Variants in DPYSL5 observed in about 807,000 individuals in gnomAD.
The protein encoded by DPYSL5 is dihydropyrimidinase like 5, also known as dihydropyrimidinase-related protein 5.
In DPYSL5, 9 loss-of-function variants were observed where a neutral mutation model predicts 58.4. The ratio of observed to expected loss-of-function variants is 0.15; its 90% CI spans 0.09 to 0.27. DPYSL5 has a LOEUF of 0.27. DPYSL5 is among the 10% of genes least tolerant of loss of function. The pLI is 1.00. For synonymous variants in DPYSL5, 293 were observed against 301.9 expected (o/e 0.97, Z 0.31); for missense variants, 499 against 770.6 (o/e 0.65, Z 4.17).
chr2:26,862,888 C>A (rs1458646671), intron 1 of DPYSL5, among the ~76,000 whole-genome samples: 2 of 152,154 alleles, frequency 1.3e-5, no homozygotes, highest in African/African-American at 2.4e-5. Context: ...ATGTGTACAG[C>A]CTATTCCAGA....
chr2:26,882,483 T>G (rs1663600399), intron 1 of DPYSL5, among the ~76,000 whole-genome samples: 1 of 151,968 alleles, frequency 6.6e-6, no homozygotes. Flanking sequence ...GGTGTCACTA[T>G]GTTGCCCAGG....
Position 26,927,310 on chromosome 2 carries a change from T to A in DPYSL5, c.478T>A (p.Phe160Ile). 6.2e-7 allele frequency: 1 copy of A among 1,614,194 alleles called. No homozygotes were observed. The highest frequency in any genetic ancestry group is 8.5e-7 in the Non-Finnish European group (1 of 1,180,018). ...REKGVNSFQM[F>I]MTYKDLYMLR... is the part of the protein sequence containing the mutation. ...GAAGGGTGTCAACTCGTTCCAGATG[T>A]TCATGACCTACAAGGACCTGTACAT... Residue 160 changes from phenylalanine (F) to isoleucine (I), a missense_variant, in exon 4 of 13, where the codon TTC becomes ATC. By Grantham distance (21) the Phe-to-Ile change is conservative. This residue lies in a region of DPYSL5 where 404 missense variants were observed against 647.6 expected (regional missense o/e 0.62). Transcript: ENST00000288699. This position sits in a 1 kb window ranked among gnomAD's most constrained non-coding sequence, Gnocchi z 4.3.
At chr2:26,856,956 C>CATATATAATATATGTAATAAATATTATA (rs1558319139) in intron 1 of DPYSL5, among the ~76,000 whole-genome samples, 1 of 143,628 alleles carries the variant, frequency 7.0e-6, no homozygotes, top group African/African-American at 2.8e-5. Flanking sequence ...ATATATTATA[C>CATATATAATATATGTAATAAATATTATA]TAGTTTTCAA....
chr2:26,941,143 G>A (rs1001239926), intron 9 of DPYSL5, among the ~76,000 whole-genome samples: 1 of 151,774 alleles, frequency 6.6e-6, no homozygotes, highest in Non-Finnish European at 1.5e-5. Flanking sequence ...CACCATGTTG[G>A]TTGGTCAGAT....
At chr2:26,854,545 A>C (rs1665831108) in intron 1 of DPYSL5, among the ~76,000 whole-genome samples, 1 of 152,204 alleles carries the variant, frequency 6.6e-6, no homozygotes, top group African/African-American at 2.4e-5. Flanking sequence ...CAAGCTGAGA[A>C]CCTTATGAGT....
chr2:26,943,661 A>G (rs2148177819), intron 11 of DPYSL5, among the ~76,000 whole-genome samples: 1 of 152,328 alleles, frequency 6.6e-6, no homozygotes, highest in East Asian at 1.9e-4. Context: ...AGCAGTTGGA[A>G]CAGCTTTACA....
chr2:26,892,827 A>G (rs1663923814), intron 1 of DPYSL5, among the ~76,000 whole-genome samples: 2 of 150,606 alleles, frequency 1.3e-5, no homozygotes, highest in South Asian at 4.2e-4. Context: ...TCCTGTGGCC[A>G]GAGTGGCTCT....
intron 1 of DPYSL5, among the ~76,000 whole-genome samples, chr2:26,896,846 A>G (rs1209983217): frequency 1.3e-5 from 2 of 152,122 alleles, no homozygotes; most frequent in South Asian, 4.1e-4. Flanking sequence ...CACTCTGTTG[A>G]TTGTTTCCTT....
chr2:26,916,741 A>G (rs1664574204), intron 2 of DPYSL5, among the ~76,000 whole-genome samples: 2 of 152,048 alleles, frequency 1.3e-5, no homozygotes, highest in Admixed American at 1.3e-4. Flanking sequence ...CTGCTTTTGC[A>G]CTTGCTGCTC....
chr2:26,869,872 G>A (rs144309312), intron 1 of DPYSL5, among the ~76,000 whole-genome samples: 4 of 152,124 alleles, frequency 2.6e-5, no homozygotes, highest in South Asian at 2.1e-4. Context: ...TCAGCCGGGC[G>A]TGGTCACAGG....
At chr2:26,874,500 C>G (rs1020787985) in intron 1 of DPYSL5, among the ~76,000 whole-genome samples, 1 of 152,270 alleles carries the variant, frequency 6.6e-6, no homozygotes, top group African/African-American at 2.4e-5. Context: ...TACCTTGGTA[C>G]GTTTGTCAAA....
At chr2:26,904,250 T>A in intron 2 of DPYSL5, among the ~76,000 whole-genome samples, 1 of 152,216 alleles carries the variant, frequency 6.6e-6, no homozygotes, top group East Asian at 1.9e-4. Context: ...AAATTCCTTT[T>A]GGTGCCCAGC....
chr2:26,949,793 C>T lies in DPYSL5; in HGVS notation c.*2798C>T. On this transcript the variant is annotated 3_prime_UTR_variant, in exon 13 of 13. Transcript: ENST00000288699. ...TTCAAGGAGCCAAATGAGCGGTCAG[C>T]CCCCACCATGCACTCCTTGCCCCGT... 1 of 152,686 alleles carries T rather than the reference C, an allele frequency of 6.5e-6. No homozygotes were observed. Among genetic ancestry groups the T allele is most frequent in the Non-Finnish European group, 1.5e-5 (1 of 68,370 alleles). The allele number at this position is 152,686 out of a possible 1,614,324, so 9.5% of individuals were successfully genotyped here. A position where few individuals can be genotyped will look rare whatever the true frequency, so the allele number is the denominator to read the frequency against.
At position 26,868,512 on chromosome 2, in the gene DPYSL5, T is replaced by G. The variant is rs1319785680; in HGVS notation, c.-5+20258T>G. ...TCCAGATGGATTACAGATTTTGATA[T>G]ATGCTGTAAGGTAGGGAGCCAATTT... is the stretch of plus-strand genomic sequence containing the variant. On this transcript the variant is annotated intron_variant, in intron 1 of 12. Transcript: ENST00000288699. Among the ~76,000 whole-genome samples, 3 of 152,202 alleles carry G rather than the reference T, an allele frequency of 2.0e-5. No individual in the cohort carries two copies. In the South Asian group the frequency reaches 6.2e-4, roughly 31 times the overall value.
At position 26,946,921 on chromosome 2, in the gene DPYSL5, G is replaced by A. The variant is rs2148180909; in HGVS notation, c.1621G>A (p.Asp541Asn). The A allele has an allele frequency of 5.6e-6, 9 of 1,614,048 alleles. No individual in the cohort carries two copies. The highest frequency in any genetic ancestry group is 7.6e-6 in the Non-Finnish European group (9 of 1,179,890). The change falls in exon 13 of 13, where the codon GAT becomes AAT. Residue 541 changes from aspartate to asparagine, a missense_variant. Coordinates refer to ENST00000288699, the MANE Select transcript of DPYSL5 (RefSeq NM_020134.4). Reference protein sequence around the residue: ...SSFSLSGSQIDDHVPKRASAR... With the variant: ...SSFSLSGSQINDHVPKRASAR... ...TTCCTTCCCTGCAGGCTCTCAGATC[G>A]ATGACCATGTTCCAAAGCGAGCTTC... is the stretch of plus-strand genomic sequence containing the variant.
At chr2:26,909,894 T>C (rs1664389879) in intron 2 of DPYSL5, among the ~76,000 whole-genome samples, 1 of 152,230 alleles carries the variant, frequency 6.6e-6, no homozygotes. Context: ...TAATTAATGT[T>C]TGATAAGCTG....
chr2:26,869,630 T>C (rs929700059), intron 1 of DPYSL5, among the ~76,000 whole-genome samples: 1 of 152,232 alleles, frequency 6.6e-6, no homozygotes, highest in South Asian at 2.1e-4. Context: ...TGCTAGCTGT[T>C]TGCTATAAAA....
In DPYSL5 at chr2:26,849,075, T is replaced by C. The variant is rs1325122212; in HGVS notation, c.-5+821T>C. On this transcript the variant is annotated intron_variant, in intron 1 of 12. Coordinates refer to ENST00000288699, the MANE Select transcript of DPYSL5 (RefSeq NM_020134.4). This position sits in a 1 kb window ranked among gnomAD's most constrained non-coding sequence, Gnocchi z 6.2. ...ATGGGGATGGGGAAGGCTGGGGAGC[T>C]GGGTTAGGACAGGTAGTGGGTCTCG... Among the ~76,000 whole-genome samples the C allele has an allele frequency of 7.9e-6, 1 of 127,030 alleles. No individual in the cohort carries two copies. Among genetic ancestry groups the C allele is most frequent in the African/African-American group, 3.0e-5 (1 of 33,346 alleles). The allele number at this position is 127,030 out of a possible 152,430, so 83.3% of individuals were successfully genotyped here. A position where few individuals can be genotyped will look rare whatever the true frequency, so the allele number is the denominator to read the frequency against.
rs1271973060 is a variant in DPYSL5 at position 26,925,082 on chromosome 2, G to A, written c.420+37G>A. On this transcript the variant is annotated intron_variant, in intron 3 of 12. Coordinates refer to ENST00000288699, the MANE Select transcript of DPYSL5 (RefSeq NM_020134.4). The surrounding 1 kb of genome is among the most constrained non-coding windows in gnomAD (Gnocchi z 4.5). ...GGTGGGATCCCAGAAGAAGGCACAA[G>A]TGGTCTTGTAGGCAGAGGGGCTGGT... The A allele has an allele frequency of 2.5e-6, 4 of 1,607,662 alleles. No individual in the cohort carries two copies. The highest frequency in any genetic ancestry group is 4.5e-5 in the East Asian group (2 of 44,770).
Sources: gnomAD v4.1 joint callset for allele counts (sites outside exome capture counted in the v4.1 genomes callset) on GRCh38, gnomAD v4.1.1 for gene constraint, gnomAD v4.1.1 regional missense constraint, Gnocchi (gnomAD v3.1) non-coding constraint, MANE v1.5 for transcripts, NCBI Gene and HGNC (gene_info 2026-07-23, HGNC 2026-07-21) for gene names.